TMEM163: variants seen among roughly 807,000 people sequenced by gnomAD.
TMEM163 encodes transmembrane protein 163.
A neutral mutation model predicts 29.3 loss-of-function variants in TMEM163; 17 were observed. The ratio of observed to expected loss-of-function variants is 0.58; its 90% CI spans 0.40 to 0.87. TMEM163 has a LOEUF of 0.87. Ranked by LOEUF, TMEM163 falls within the 40% of genes least tolerant of loss-of-function variation. The pLI, the probability that TMEM163 is intolerant of heterozygous loss-of-function variation, is 0.00. For synonymous variants in TMEM163, 157 were observed against 160.6 expected (o/e 0.98, Z 0.17); for missense variants, 303 against 381.5 (o/e 0.79, Z 1.71).
chr2:134,561,916 A>G (rs1681192244), intron 2 of TMEM163, among the ~76,000 whole-genome samples: 1 of 152,234 alleles, frequency 6.6e-6, no homozygotes, highest in African/African-American at 2.4e-5. Context: ...TTGCCCAACA[A>G]TTTGATAAAA....
At chr2:134,701,772 G>C (rs562354097) in intron 2 of TMEM163, among the ~76,000 whole-genome samples, 2 of 152,104 alleles carry the variant, frequency 1.3e-5, no homozygotes, top group Admixed American at 1.3e-4. Context: ...ATAAAAATTA[G>C]CCAAGCGTGG....
intron 2 of TMEM163, among the ~76,000 whole-genome samples, chr2:134,568,221 G>A (rs1666321150): frequency 6.6e-6 from 1 of 152,064 alleles, no homozygotes; most frequent in Admixed American, 6.6e-5. Flanking sequence ...GCCACATAGA[G>A]AAACAAGAAT....
chr2:134,663,157 G>T (rs949898933), intron 2 of TMEM163, among the ~76,000 whole-genome samples: 6 of 152,206 alleles, frequency 3.9e-5, no homozygotes, highest in African/African-American at 1.4e-4. Context: ...AAACAGAACT[G>T]CAAAAAGGCA....
intron 2 of TMEM163, among the ~76,000 whole-genome samples, chr2:134,710,640 T>TA (rs34375062): frequency 0.15 from 20,926 of 143,568 alleles, 1,676 homozygotes; most frequent in Middle Eastern, 0.38. Context: ...TCCACCTAAC[T>TA]AAAAAAAAAA....
chr2:134,586,970 G>C (rs1431979775), intron 2 of TMEM163, among the ~76,000 whole-genome samples: 1 of 152,074 alleles, frequency 6.6e-6, no homozygotes, highest in Non-Finnish European at 1.5e-5. Context: ...CATGAAACCT[G>C]GGCAAAATGA....
At chr2:134,456,804 C>T (rs771121916) in intron 7 of TMEM163, 28 bp from the exon 8 acceptor site, 2 of 1,611,358 alleles carry the variant, frequency 1.2e-6, no homozygotes, top group Non-Finnish European at 1.7e-6. Context: ...GACAAGGTCA[C>T]CTCCATGGCA....
chr2:134,523,899 A>G (rs990822301), intron 4 of TMEM163, among the ~76,000 whole-genome samples: 1 of 152,178 alleles, frequency 6.6e-6, no homozygotes, highest in Non-Finnish European at 1.5e-5. Context: ...TTGGTTGTCA[A>G]AACCAAGTGG....
intron 2 of TMEM163, among the ~76,000 whole-genome samples, chr2:134,704,041 G>A (rs938909686): frequency 6.6e-6 from 1 of 151,952 alleles, no homozygotes. Flanking sequence ...CAATCATGGT[G>A]GGTCCCCTGC....
In TMEM163 at chr2:134,713,332, AG is replaced by A. The variant is rs923286769; in HGVS notation, c.203-14del. 2 of 1,613,062 alleles carry A rather than the reference AG, an allele frequency of 1.2e-6. No individual in the cohort carries two copies. Among genetic ancestry groups the A allele is most frequent in the African/African-American group, 2.7e-5 (2 of 74,848 alleles). ...CTTTCTAGTAAGCCTGACAAAAACA[AG>A]GAGAAAGGGAAGTTAGACATTTCCT... On this transcript the variant is annotated splice_polypyrimidine_tract_variant and intron_variant, in intron 1 of 7. Coordinates refer to ENST00000281924, the MANE Select transcript of TMEM163 (RefSeq NM_030923.5).
chr2:134,606,337 C>A (rs969274680), intron 2 of TMEM163, among the ~76,000 whole-genome samples: 1 of 97,436 alleles, frequency 1.0e-5, no homozygotes, highest in African/African-American at 4.5e-5. Flanking sequence ...GAGCAAAACT[C>A]CGTCTCAAAA....
Position 134,496,064 on chromosome 2 carries a change from A to ATT in TMEM163, c.555+6835_555+6836dup, listed in dbSNP as rs57512015. ...ATTTCACAAAATCCAAGGCTTAACT[A>ATT]TTTTTTTTTTTTTTTGAGACGGAGT... On this transcript the variant is annotated intron_variant, in intron 5 of 7. Coordinates refer to ENST00000281924, the MANE Select transcript of TMEM163 (RefSeq NM_030923.5). 1.5e-3 allele frequency among the ~76,000 whole-genome samples: 221 copies of ATT among 144,370 alleles called. 2 individuals are homozygous for ATT. The highest frequency in any genetic ancestry group is 4.7e-3 in the African/African-American group (185 of 39,314). The allele number at this position is 144,370 out of a possible 152,430, so 94.7% of individuals were successfully genotyped here.
At chr2:134,700,942 A>ATAAATAAATAAT (rs61311028) in intron 2 of TMEM163, among the ~76,000 whole-genome samples, 14,520 of 119,252 alleles carry the variant, frequency 0.12, 836 homozygotes, top group East Asian at 0.18. Context: ...AAATAAATAA[A>ATAAATAAATAAT]TAAATAAAGT....
intron 2 of TMEM163, among the ~76,000 whole-genome samples, chr2:134,591,412 C>T (rs2104802335): frequency 6.6e-6 from 1 of 152,286 alleles, no homozygotes; most frequent in East Asian, 1.9e-4. Context: ...TGAAATTTGG[C>T]TGGCTTCTTT....
chr2:134,667,880 C>T (rs1683902054), intron 2 of TMEM163, among the ~76,000 whole-genome samples: 1 of 152,202 alleles, frequency 6.6e-6, no homozygotes, highest in African/African-American at 2.4e-5. Flanking sequence ...CACCTAGACA[C>T]ATTCAGTGAC....
chr2:134,696,065 AAAAG>A (rs202109476), intron 2 of TMEM163, among the ~76,000 whole-genome samples: 80 of 147,756 alleles, frequency 5.4e-4, no homozygotes, highest in Middle Eastern at 7.2e-3. Context: ...AAAAAAAAAA[AAAAG>A]GTTTAAATTC....
intron 5 of TMEM163, among the ~76,000 whole-genome samples, chr2:134,475,909 T>G (rs1686902942): frequency 6.6e-6 from 1 of 152,184 alleles, no homozygotes; most frequent in Admixed American, 6.5e-5. Flanking sequence ...GTACAGTCAT[T>G]TCGTAAAAGA....
intron 2 of TMEM163, among the ~76,000 whole-genome samples, chr2:134,571,144 C>A (rs1681413285): frequency 6.6e-6 from 1 of 152,138 alleles, no homozygotes; most frequent in Non-Finnish European, 1.5e-5. Flanking sequence ...ACAAGTTCCC[C>A]TCAAATTATA....
At chr2:134,496,347 C>A (rs1304433707) in intron 5 of TMEM163, among the ~76,000 whole-genome samples, 1 of 152,176 alleles carries the variant, frequency 6.6e-6, no homozygotes, top group Non-Finnish European at 1.5e-5. Flanking sequence ...CAGATATGAG[C>A]CACCGCACCA....
intron 3 of TMEM163, 67 bp downstream of exon 3, chr2:134,551,981 G>A: frequency 7.5e-7 from 1 of 1,338,476 alleles, no homozygotes; most frequent in Non-Finnish European, 1.1e-6. Context: ...TGAGGGCTCA[G>A]GGTGAGGTTT....
Sources: allele counts gnomAD v4.1 joint callset (sites outside exome capture counted in the v4.1 genomes callset), GRCh38; gene constraint gnomAD v4.1.1; transcripts MANE v1.5; gene names NCBI Gene and HGNC (gene_info 2026-07-23, HGNC 2026-07-21).